LUZP2: variants seen among roughly 807,000 people sequenced by gnomAD.
LUZP2 encodes leucine zipper protein 2.
In LUZP2, 52 loss-of-function variants were observed where a neutral mutation model predicts 51.6. The ratio of observed to expected loss-of-function variants is 1.01; its 90% CI spans 0.81 to 1.27. The LOEUF (loss-of-function observed/expected upper bound fraction) is 1.27, where lower values mean the gene tolerates loss of function less well. Ranked by LOEUF, LUZP2 falls within the 50% of genes most tolerant of loss-of-function variation. The pLI, the probability that LUZP2 is intolerant of heterozygous loss-of-function variation, is 0.00. For missense variants in LUZP2, 436 were observed against 395.4 expected (o/e 1.10, Z -0.87); for synonymous variants, 154 against 137.3 (o/e 1.12, Z -0.85).
chr11:25,002,626 C>CTT (rs1856718776), intron 9 of LUZP2, among the ~76,000 whole-genome samples: 1 of 152,170 alleles, frequency 6.6e-6, no homozygotes, highest in East Asian at 1.9e-4. Context: ...CAACTACCTG[C>CTT]AAACAGTGAG....
chr11:24,669,329 C>T (rs1210460937), intron 1 of LUZP2, among the ~76,000 whole-genome samples: 1 of 152,072 alleles, frequency 6.6e-6, no homozygotes, highest in African/African-American at 2.4e-5. Flanking sequence ...TTCAGTGTTA[C>T]TCAAGCATAC....
chr11:24,499,913 T>A (rs191264024), intron 1 of LUZP2, among the ~76,000 whole-genome samples: 59 of 152,318 alleles, frequency 3.9e-4, no homozygotes, highest in African/African-American at 1.3e-3. Context: ...GAAAAGGTAG[T>A]CTTTTGACTG....
chr11:24,515,781 G>A (rs1287418755), intron 1 of LUZP2, among the ~76,000 whole-genome samples: 1 of 152,182 alleles, frequency 6.6e-6, no homozygotes, highest in Non-Finnish European at 1.5e-5. Context: ...TAATATGTAT[G>A]TAAAAACAGC....
At chr11:24,878,231 G>A (rs1852340048) in intron 5 of LUZP2, among the ~76,000 whole-genome samples, 1 of 151,552 alleles carries the variant, frequency 6.6e-6, no homozygotes, top group African/African-American at 2.4e-5. Context: ...GACAGGTCTG[G>A]TGTTGATGAA....
At chr11:25,006,703 A>C (rs892963755) in intron 9 of LUZP2, among the ~76,000 whole-genome samples, 11 of 152,174 alleles carry the variant, frequency 7.2e-5, no homozygotes, top group Non-Finnish European at 1.5e-4. Context: ...CGATAGTCCC[A>C]TCTGGGTCAC....
At chr11:24,756,381 A>T (rs1859775011) in intron 4 of LUZP2, among the ~76,000 whole-genome samples, 1 of 152,178 alleles carries the variant, frequency 6.6e-6, no homozygotes, top group African/African-American at 2.4e-5. Flanking sequence ...ATATTTTACG[A>T]AGTTTGGCTT....
intron 7 of LUZP2, among the ~76,000 whole-genome samples, chr11:24,924,518 C>G (rs547166651): frequency 6.6e-6 from 1 of 152,270 alleles, no homozygotes; most frequent in South Asian, 2.1e-4. Flanking sequence ...GATCCTTTTT[C>G]CTGGACATTT....
intron 7 of LUZP2, among the ~76,000 whole-genome samples, chr11:24,959,767 G>A (rs2133876615): frequency 6.6e-6 from 1 of 152,156 alleles, no homozygotes; most frequent in African/African-American, 2.4e-5. Context: ...TAATTGCCCT[G>A]GCCAGAACTT....
rs566566924 is a variant in LUZP2 at position 24,498,687 on chromosome 11, T to A, written c.62+1382T>A. On this transcript the variant is annotated intron_variant, in intron 1 of 11. Transcript: ENST00000336930. The stretch of plus-strand genomic sequence containing the variant: ...TAAATACAGAGCCCATTTTAATATT[T>A]GTGGTTAGCTCTCAACAGTTCAATA... Among the ~76,000 whole-genome samples, 16 of 152,356 alleles carry A rather than the reference T, an allele frequency of 1.1e-4. No individual in the cohort carries two copies. The South Asian group carries it at 2.3e-3, about 22-fold the overall frequency.
intron 7 of LUZP2, among the ~76,000 whole-genome samples, chr11:24,954,724 A>G (rs1855168242): frequency 6.6e-6 from 1 of 152,086 alleles, no homozygotes; most frequent in African/African-American, 2.4e-5. Context: ...GAAGAGTAAC[A>G]TTCTATTGGT....
intron 1 of LUZP2, among the ~76,000 whole-genome samples, chr11:24,555,932 C>T (rs997162315): frequency 5.9e-5 from 9 of 152,138 alleles, no homozygotes; most frequent in Non-Finnish European, 1.2e-4. Context: ...GAGCCATGAT[C>T]GTGCCACTGC....
intron 1 of LUZP2, among the ~76,000 whole-genome samples, chr11:24,573,059 G>A (rs1443722323): frequency 1.3e-5 from 2 of 151,722 alleles, no homozygotes; most frequent in Admixed American, 6.6e-5. Flanking sequence ...GACCATGATA[G>A]GTGGGTAAAA....
chr11:25,000,487 G>T (rs967649993), intron 9 of LUZP2, among the ~76,000 whole-genome samples: 2 of 152,136 alleles, frequency 1.3e-5, no homozygotes, highest in African/African-American at 2.4e-5. Context: ...CTCATTTGGG[G>T]TTCCATTTAT....
intron 5 of LUZP2, among the ~76,000 whole-genome samples, chr11:24,905,585 G>C (rs1853423536): frequency 6.6e-6 from 1 of 151,956 alleles, no homozygotes. Context: ...AGACCAAATG[G>C]ACCTCATGGA....
chr11:24,550,264 A>G (rs1438888574), intron 1 of LUZP2, among the ~76,000 whole-genome samples: 1 of 152,104 alleles, frequency 6.6e-6, no homozygotes, highest in Non-Finnish European at 1.5e-5. Context: ...ACATAAAACT[A>G]AGGCATAATT....
chr11:24,950,425 C>T (rs923883906), intron 7 of LUZP2, among the ~76,000 whole-genome samples: 3 of 151,542 alleles, frequency 2.0e-5, no homozygotes, highest in African/African-American at 7.3e-5. Context: ...ATAGGAATGT[C>T]CACTAAGCCC....
intron 7 of LUZP2, among the ~76,000 whole-genome samples, chr11:24,960,997 G>A (rs1357170416): frequency 2.0e-5 from 3 of 151,886 alleles, no homozygotes; most frequent in Admixed American, 6.6e-5. Context: ...CCTTCATTTC[G>A]TTATGTACCC....
chr11:25,017,629 C>A (rs1205264592), intron 9 of LUZP2, among the ~76,000 whole-genome samples: 5 of 152,102 alleles, frequency 3.3e-5, no homozygotes, highest in African/African-American at 1.2e-4. Flanking sequence ...ATCTTTTATA[C>A]CAGCACCAGG....
intron 1 of LUZP2, among the ~76,000 whole-genome samples, chr11:24,515,941 C>T (rs1850449838): frequency 6.6e-6 from 1 of 152,060 alleles, no homozygotes; most frequent in African/African-American, 2.4e-5. Context: ...TGAAAGTTCT[C>T]ATTTATCCCT....
Sources: gnomAD v4.1 joint callset for allele counts (sites outside exome capture counted in the v4.1 genomes callset) on GRCh38, gnomAD v4.1.1 for gene constraint, MANE v1.5 for transcripts, NCBI Gene and HGNC (gene_info 2026-07-23, HGNC 2026-07-21) for gene names.